RNF6: variants seen among roughly 807,000 people sequenced by gnomAD.
RNF6 encodes the protein E3 ubiquitin-protein ligase RNF6.
A neutral mutation model predicts 50.1 loss-of-function variants in RNF6; 21 were observed. That is an observed-to-expected ratio of 0.42 (90% confidence interval 0.30 to 0.60). The LOEUF is 0.60. RNF6 is among the 20% of genes least tolerant of loss of function. The pLI is 0.20. For missense variants in RNF6, 698 were observed against 838.2 expected, an observed-to-expected ratio of 0.83 and a Z score of 2.07; for synonymous variants, 255 against 291.8, an observed-to-expected ratio of 0.87 and a Z score of 1.29.
chr13:26,159,718 A>G (rs549719247), intron 5 of RNF6, among the ~76,000 whole-genome samples: 1 of 152,338 alleles, frequency 6.6e-6, no homozygotes, highest in African/African-American at 2.4e-5. Context: ...TGCCTAGGGA[A>G]TTCCTCAAAT....
At chr13:26,141,114 T>C (rs1870919865) in intron 5 of RNF6, among the ~76,000 whole-genome samples, 1 of 152,066 alleles carries the variant, frequency 6.6e-6, no homozygotes, top group African/African-American at 2.4e-5. Flanking sequence ...TTTCACGGAA[T>C]TAGAAAAAAC....
At chr13:26,134,056 C>T (rs1366928803) in intron 5 of RNF6, among the ~76,000 whole-genome samples, 1 of 152,216 alleles carries the variant, frequency 6.6e-6, no homozygotes, top group African/African-American at 2.4e-5. Context: ...GATAAAGTAC[C>T]AGTTGCACAC....
At position 26,165,080 on chromosome 13, in the gene RNF6, G is replaced by A. The variant is rs1417836254; in HGVS notation, n.769-32629C>T. 2.0e-5 allele frequency among the ~76,000 whole-genome samples: 3 copies of A among 152,238 alleles called. No homozygotes were observed. In the East Asian group the frequency reaches 5.8e-4, roughly 29 times the overall value. On this transcript the variant is annotated intron_variant and non_coding_transcript_variant, in intron 5 of 5. Transcript: ENST00000468480. Reference sequence around the variant, plus strand: ...AGGCCTAGGAGGAAAAAGTGGTTTCGTGAGCCAGGTCCATGGTTCCTATGC... The same window carrying A: ...AGGCCTAGGAGGAAAAAGTGGTTTCATGAGCCAGGTCCATGGTTCCTATGC...
At position 26,215,391 on chromosome 13, in the gene RNF6, A is replaced by G. The variant is rs61760897; in HGVS notation, c.491T>C (p.Ile164Thr). Residue 164 changes from isoleucine (I) to threonine (T), a missense_variant, in exon 5 of 5, where the codon ATT (isoleucine) becomes ACT (threonine). Transcript: ENST00000381588. ...HVNHENRGFE[I>T]HGEDYTDIPL... ...AATGTCTGTATAATCTTCTCCATGA[A>G]TTTCAAATCCTCTATTTTCATGATT... 3.6e-3 allele frequency: 5,853 copies of G among 1,614,164 alleles called. 11 individuals carry two copies. Among genetic ancestry groups the G allele is most frequent in the Non-Finnish European group, 4.7e-3 (5,491 of 1,180,024 alleles).
chr13:26,187,972 A>G (rs141140972), intron 5 of RNF6, among the ~76,000 whole-genome samples: 2 of 152,374 alleles, frequency 1.3e-5, no homozygotes, highest in African/African-American at 4.8e-5. Flanking sequence ...AGAAGTCAAC[A>G]AGTGATCTAA....
chr13:26,166,919 G>T (rs1222887614), intron 5 of RNF6, among the ~76,000 whole-genome samples: 1 of 152,168 alleles, frequency 6.6e-6, no homozygotes, highest in Non-Finnish European at 1.5e-5. Flanking sequence ...GTGAGACTGT[G>T]TCTCAAAAAC....
At chr13:26,147,785 C>T (rs891669305) in intron 5 of RNF6, among the ~76,000 whole-genome samples, 1 of 152,154 alleles carries the variant, frequency 6.6e-6, no homozygotes, top group African/African-American at 2.4e-5. Flanking sequence ...CTACAGGACA[C>T]AAGAGTCTCC....
chr13:26,165,605 A>G (rs1193227061), intron 5 of RNF6, among the ~76,000 whole-genome samples: 1 of 152,240 alleles, frequency 6.6e-6, no homozygotes, highest in African/African-American at 2.4e-5. Flanking sequence ...GAGCTGCCCA[A>G]GACCATGGGA....
intron 5 of RNF6, among the ~76,000 whole-genome samples, chr13:26,144,218 A>G (rs1871111795): frequency 6.6e-6 from 1 of 152,018 alleles, no homozygotes; most frequent in Non-Finnish European, 1.5e-5. Context: ...CATCCCTGCC[A>G]CCATGGCCAC....
At chr13:26,137,929 A>T (rs1870736369) in intron 5 of RNF6, among the ~76,000 whole-genome samples, 1 of 152,150 alleles carries the variant, frequency 6.6e-6, no homozygotes, top group South Asian at 2.1e-4. Context: ...ATGAAGAAGA[A>T]CATTTAAAGA....
chr13:26,169,675 A>G (rs1872604920), intron 5 of RNF6, among the ~76,000 whole-genome samples: 1 of 152,180 alleles, frequency 6.6e-6, no homozygotes, highest in South Asian at 2.1e-4. Flanking sequence ...GTAACCACCA[A>G]AGAAGACAGC....
At chr13:26,159,542 G>A (rs961513107) in intron 5 of RNF6, among the ~76,000 whole-genome samples, 5 of 151,918 alleles carry the variant, frequency 3.3e-5, no homozygotes, top group South Asian at 2.1e-4. Flanking sequence ...GGAGAATGGC[G>A]TGAACCCAGG....
intron 5 of RNF6, among the ~76,000 whole-genome samples, chr13:26,207,167 A>C (rs1476119412): frequency 1.3e-5 from 2 of 152,038 alleles, no homozygotes; most frequent in Non-Finnish European, 2.9e-5. Flanking sequence ...TTAAAGGACA[A>C]GCAGGAATTA....
intron 5 of RNF6, among the ~76,000 whole-genome samples, chr13:26,184,009 TATATATA>T: frequency 1.7e-4 from 2 of 11,592 alleles, no homozygotes; most frequent in South Asian, 4.0e-3. Flanking sequence ...TATATATATA[TATATATA>T]TATTTTTTTT....
At chr13:26,211,964 A>C (rs1037874066), downstream of RNF6, among the ~76,000 whole-genome samples, 1 of 152,210 alleles carries the variant, frequency 6.6e-6, no homozygotes, top group Admixed American at 6.5e-5. Flanking sequence ...ACTAGAGACC[A>C]AACAACGTCT....
chr13:26,169,090 C>A (rs1322765312), intron 5 of RNF6, among the ~76,000 whole-genome samples: 1 of 152,144 alleles, frequency 6.6e-6, no homozygotes. Context: ...AGGCTGCACT[C>A]CCAGCCACAA....
At chr13:26,164,771 G>A (rs1159852041) in intron 5 of RNF6, among the ~76,000 whole-genome samples, 1 of 152,020 alleles carries the variant, frequency 6.6e-6, no homozygotes, top group Non-Finnish European at 1.5e-5. Context: ...ACGTATTACT[G>A]TTTATTTAGT....
intron 5 of RNF6, among the ~76,000 whole-genome samples, chr13:26,187,083 A>G (rs1401077890): frequency 6.6e-6 from 1 of 152,014 alleles, no homozygotes; most frequent in South Asian, 2.1e-4. Context: ...GGCAAGCGTC[A>G]GGGACCTTTC....
rs57585322 is a variant in RNF6, at chr13:26,204,733, A to G, written n.768+10741T>C. 2.7e-3 allele frequency among the ~76,000 whole-genome samples: 404 copies of G among 152,278 alleles called. 2 individuals carry two copies. The highest frequency in any genetic ancestry group is 9.3e-3 in the African/African-American group (388 of 41,558). ...CATTAAATGTTCCTAGTTTATTTCC[A>G]TGTAAGAAGGGCCTAAGAAATATGA... On this transcript the variant is annotated intron_variant and non_coding_transcript_variant, in intron 5 of 5. Transcript: ENST00000468480.
Sources: gnomAD v4.1 joint callset for allele counts (sites outside exome capture counted in the v4.1 genomes callset) on GRCh38, gnomAD v4.1.1 for gene constraint, MANE v1.5 for transcripts, NCBI Gene and HGNC (gene_info 2026-07-23, HGNC 2026-07-21) for gene names.